The following DCLRE1C variants were observed in gnomAD, a reference collection of about 807,000 sequenced individuals.
DCLRE1C encodes DNA cross-link repair 1C, also known as protein artemis.
A neutral mutation model predicts 61.4 loss-of-function variants in DCLRE1C; 47 were observed. That is an observed-to-expected ratio of 0.77 (90% CI 0.61 to 0.98). DCLRE1C has a LOEUF of 0.98. DCLRE1C is among the 50% of genes least tolerant of loss of function. The probability of loss-of-function intolerance (pLI) is 0.00; values close to 1 mark genes in which losing one functional copy is unlikely to be tolerated. For missense variants in DCLRE1C, 858 were observed against 816.0 expected, an observed-to-expected ratio of 1.05 and a Z score of -0.63; for synonymous variants, 337 against 287.6, an observed-to-expected ratio of 1.17 and a Z score of -1.74.
At chr10:14,936,872 A>G (rs1016605103) in intron 4 of DCLRE1C, among the ~76,000 whole-genome samples, 1 of 152,238 alleles carries the variant, frequency 6.6e-6, no homozygotes, top group Non-Finnish European at 1.5e-5. Flanking sequence ...TCACAGCAGC[A>G]TTCTTCATAC....
chr10:14,910,220 C>G (rs1256126219), intron 13 of DCLRE1C, among the ~76,000 whole-genome samples: 1 of 152,190 alleles, frequency 6.6e-6, no homozygotes, highest in Non-Finnish European at 1.5e-5. Context: ...TGTGCCAATA[C>G]ACACGACCCA....
At chr10:14,922,410 C>T (rs1250155852) in intron 12 of DCLRE1C, among the ~76,000 whole-genome samples, 1 of 150,864 alleles carries the variant, frequency 6.6e-6, no homozygotes, top group East Asian at 1.9e-4. Context: ...CACTGTACTC[C>T]AGCCTGGGTG....
chr10:14,949,592 A>G (rs936648058), intron 1 of DCLRE1C, among the ~76,000 whole-genome samples: 1 of 152,264 alleles, frequency 6.6e-6, no homozygotes, highest in African/African-American at 2.4e-5. Context: ...ATTACTATCC[A>G]CAAAGACTTG....
At position 14,931,498 on chromosome 10, in the gene DCLRE1C, C is replaced by G. The variant is rs140562247; in HGVS notation, c.780+1356G>C. On this transcript the variant is annotated intron_variant, in intron 9 of 13. Transcript: ENST00000378278. ...GCTTGAATGTGGGAGGCAGAGCTTG[C>G]AGTGAGCCGAGATGGCACCATTGCA... is the stretch of plus-strand genomic sequence containing the variant. 6.9e-3 allele frequency among the ~76,000 whole-genome samples: 1,051 copies of G among 152,154 alleles called. 10 individuals carry two copies. Among genetic ancestry groups the G allele is most frequent in the African/African-American group, 0.022 (921 of 41,508 alleles).
chr10:14,937,878 A>G (rs1180504475), intron 4 of DCLRE1C, among the ~76,000 whole-genome samples: 1 of 140,478 alleles, frequency 7.1e-6, no homozygotes, highest in Non-Finnish European at 1.5e-5. Flanking sequence ...TGGGCGACAG[A>G]GTAAGGCTCA....
rs544151696 is a variant in DCLRE1C, at chr10:14,938,304, C to T, written c.306+1506G>A. The stretch of plus-strand genomic sequence containing the variant: ...ACCACCACAGTATTCCCCGGAAAAG[C>T]AGTTGGCAGAGTCCAGGATGGCATT... On this transcript the variant is annotated intron_variant, in intron 4 of 13. Transcript: ENST00000378278. Among the ~76,000 whole-genome samples, 5 of 152,208 alleles carry T rather than the reference C, an allele frequency of 3.3e-5. No individual in the cohort carries two copies. The East Asian group carries it at 5.8e-4, about 18-fold the overall frequency.
intron 11 of DCLRE1C, among the ~76,000 whole-genome samples, chr10:14,924,990 A>T (rs903954909): frequency 2.0e-5 from 3 of 152,126 alleles, no homozygotes; most frequent in Admixed American, 2.0e-4. Context: ...CACCAAACTG[A>T]AAGAGGCAGA....
At chr10:14,920,542 T>C (rs1050346955) in intron 12 of DCLRE1C, 6 of 319,622 alleles carry the variant, frequency 1.9e-5, no homozygotes, top group African/African-American at 4.5e-5. Context: ...CCCACAGCTG[T>C]TCTCTGGATC....
At chr10:14,924,667 T>G (rs1255714592) in intron 11 of DCLRE1C, among the ~76,000 whole-genome samples, 1 of 151,854 alleles carries the variant, frequency 6.6e-6, no homozygotes, top group Admixed American at 6.6e-5. Flanking sequence ...GCTAACACGG[T>G]GAAACCCCGT....
chr10:14,945,251 G>T, intron 2 of DCLRE1C, 62 bp from the exon 3 acceptor site: 1 of 1,517,638 alleles, frequency 6.6e-7, no homozygotes, highest in Non-Finnish European at 9.0e-7. Context: ...TGGTGACTAA[G>T]AAATCTATTT....
intron 13 of DCLRE1C, chr10:14,899,526 T>G: frequency 6.2e-7 from 1 of 1,613,202 alleles, no homozygotes; most frequent in Non-Finnish European, 8.5e-7. Context: ...TACTTACAGT[T>G]TTTTCTGTTT....
intron 10 of DCLRE1C, among the ~76,000 whole-genome samples, chr10:14,927,578 G>A (rs1307847707): frequency 2.8e-5 from 4 of 142,502 alleles, no homozygotes; most frequent in African/African-American, 1.1e-4. Flanking sequence ...GGGAGTGGGG[G>A]GGGAGAAAGG....
At position 14,917,192 on chromosome 10, in the gene DCLRE1C, A is replaced by G. The variant is rs1238372261; in HGVS notation, c.1156+2546T>C. The stretch of plus-strand genomic sequence containing the variant: ...ATGGTTTAAGAACATTTGGATATCC[A>G]TACAGACACACACACAAAATTACCT... On this transcript the variant is annotated intron_variant, in intron 13 of 13. Transcript: ENST00000378278. Among the ~76,000 whole-genome samples, 4 of 152,352 alleles carry G rather than the reference A, an allele frequency of 2.6e-5. No individual in the cohort carries two copies. In the East Asian group the frequency reaches 7.7e-4, roughly 29 times the overall value.
At chr10:14,936,375 C>A (rs976898523) in intron 5 of DCLRE1C, among the ~76,000 whole-genome samples, 163 bp downstream of exon 5, 1 of 149,114 alleles carries the variant, frequency 6.7e-6, no homozygotes, top group Admixed American at 6.7e-5. Flanking sequence ...CTCCAACTCC[C>A]AAGCTCAAGC....
chr10:14,926,639 G>C (rs1468400047), intron 11 of DCLRE1C, among the ~76,000 whole-genome samples: 2 of 132,688 alleles, frequency 1.5e-5, no homozygotes, highest in African/African-American at 5.5e-5. Context: ...GGGCGACAGA[G>C]TAAAACACTG....
chr10:14,918,310 G>A (rs1836539353), intron 13 of DCLRE1C, among the ~76,000 whole-genome samples: 2 of 152,172 alleles, frequency 1.3e-5, no homozygotes, highest in South Asian at 4.1e-4. Context: ...ATAAAAGAGG[G>A]TGAACTATTG....
chr10:14,945,273 T>G (rs1841502926), intron 2 of DCLRE1C, 84 bp from the exon 3 acceptor site: 92 of 1,448,182 alleles, frequency 6.4e-5, no homozygotes, highest in Non-Finnish European at 8.5e-5. Context: ...ATCATACATC[T>G]AATAATTTCA....
chr10:14,954,173 A>T (rs540093723), upstream of DCLRE1C: 10 of 1,256,942 alleles, frequency 8.0e-6, no homozygotes, highest in East Asian at 2.5e-4. Context: ...GGCAAAGTCA[A>T]GGAGCATCCG....
rs759247965 is a variant in DCLRE1C at position 14,907,778 on chromosome 10, CTT to C, written c.*628_*629del. The stretch of plus-strand genomic sequence containing the variant: ...GGTTATGTTGGTTTTTTCCGTGTCT[CTT>C]GTCATTGATGCACTTAGACCATTTA... On this transcript the variant is annotated 3_prime_UTR_variant, in exon 14 of 14. Transcript: ENST00000378278. The C allele has an allele frequency of 6.7e-6, 1 of 149,156 alleles. No individual in the cohort carries two copies. Among genetic ancestry groups the C allele is most frequent in the East Asian group, 2.0e-4 (1 of 5,064 alleles). The allele number at this position is 149,156 out of a possible 1,614,324, so 9.2% of individuals were successfully genotyped here.
Sources: gnomAD v4.1 joint callset for allele counts (sites outside exome capture counted in the v4.1 genomes callset) on GRCh38, gnomAD v4.1.1 for gene constraint, MANE v1.5 for transcripts, NCBI Gene and HGNC (gene_info 2026-07-23, HGNC 2026-07-21) for gene names.